The following TTC34 variants were observed in gnomAD, a reference collection of about 807,000 sequenced individuals.
TTC34 encodes the protein tetratricopeptide repeat protein 34.
Under a neutral mutation model 40.7 loss-of-function variants are expected in TTC34, and 44 were observed. The ratio of observed to expected loss-of-function variants is 1.08; its 90% CI spans 0.85 to 1.39. The LOEUF (loss-of-function observed/expected upper bound fraction) is 1.39, where lower values mean the gene tolerates loss of function less well. TTC34 is among the 40% of genes most tolerant of loss of function. TTC34 has a pLI of 0.00. For missense variants in TTC34, 884 were observed against 838.0 expected, an observed-to-expected ratio of 1.05 and a Z score of -0.68; for synonymous variants, 422 against 398.6, an observed-to-expected ratio of 1.06 and a Z score of -0.70.
chr1:2,683,129 C>T (rs1448958575), intron 6 of TTC34, among the ~76,000 whole-genome samples: 1 of 130,722 alleles, frequency 7.6e-6, no homozygotes, highest in Non-Finnish European at 1.7e-5. Flanking sequence ...GAGCATTTGA[C>T]AGCCTGGAAC....
At chr1:2,687,209 C>T (rs558251083) in intron 6 of TTC34, among the ~76,000 whole-genome samples, 909 of 56,200 alleles carry the variant, frequency 0.016, 104 homozygotes, top group African/African-American at 0.08. Context: ...CCACACCTCC[C>T]GGCGAGCATC....
intron 3 of TTC34, 51 bp downstream of exon 3, chr1:2,789,452 A>C: frequency 6.8e-7 from 1 of 1,477,772 alleles, no homozygotes. Context: ...CGCTACCTCG[A>C]AGGAGACCCG....
intron 5 of TTC34, among the ~76,000 whole-genome samples, chr1:2,784,223 T>C (rs188658020): frequency 3.3e-5 from 5 of 152,308 alleles, no homozygotes; most frequent in African/African-American, 1.2e-4. Flanking sequence ...GGCCCTTCCC[T>C]CTTGGGCAGC....
chr1:2,653,007 C>T (rs1397360058), intron 6 of TTC34, among the ~76,000 whole-genome samples: 4 of 152,114 alleles, frequency 2.6e-5, no homozygotes, highest in Admixed American at 1.3e-4. Flanking sequence ...GCACCCACAG[C>T]CCAAGGTGAG....
chr1:2,693,832 G>T (rs1640737530), intron 6 of TTC34, among the ~76,000 whole-genome samples: 5 of 144,426 alleles, frequency 3.5e-5, no homozygotes, highest in African/African-American at 1.0e-4. Flanking sequence ...CACACCCACA[G>T]GTGAGCATCT....
At chr1:2,794,391 T>C (rs1643693581) in intron 2 of TTC34, among the ~76,000 whole-genome samples, 1 of 152,236 alleles carries the variant, frequency 6.6e-6, no homozygotes, top group Admixed American at 6.5e-5. Context: ...TCATTTTCTG[T>C]CCCTGTGGTA....
intron 6 of TTC34, among the ~76,000 whole-genome samples, chr1:2,773,233 T>C (rs1642592145): frequency 8.1e-6 from 1 of 123,868 alleles, no homozygotes; most frequent in African/African-American, 2.9e-5. Flanking sequence ...GGCGAGCATC[T>C]GACAGCCTGG....
At chr1:2,783,756 G>T in exon 6 of TTC34, 2 of 1,521,896 alleles carry the variant, frequency 1.3e-6, no homozygotes, top group East Asian at 2.5e-5. Flanking sequence ...GGGCAAGGAG[G>T]GACTCACTTG....
intron 6 of TTC34, among the ~76,000 whole-genome samples, chr1:2,688,152 G>A: frequency 6.6e-6 from 1 of 150,458 alleles, no homozygotes; most frequent in African/African-American, 2.4e-5. Flanking sequence ...CTGACGGCCT[G>A]GAAGGGCACC....
At chr1:2,751,189 C>A (rs1641307278) in intron 6 of TTC34, among the ~76,000 whole-genome samples, 1 of 116,946 alleles carries the variant, frequency 8.6e-6, no homozygotes, top group Non-Finnish European at 1.7e-5. Context: ...CATCCGACAG[C>A]CTGGAGCAGC....
At chr1:2,751,887 C>T (rs1390524765) in intron 6 of TTC34, among the ~76,000 whole-genome samples, 2 of 109,778 alleles carry the variant, frequency 1.8e-5, no homozygotes, top group Non-Finnish European at 3.6e-5. Context: ...GCAGCACCCA[C>T]ACCCCCAGGT....
chr1:2,696,030 C>A (rs1640849929), intron 6 of TTC34, among the ~76,000 whole-genome samples: 4 of 148,198 alleles, frequency 2.7e-5, no homozygotes, highest in East Asian at 2.0e-4. Context: ...GGAACAGCAC[C>A]CACACGCCCA....
intron 6 of TTC34, among the ~76,000 whole-genome samples, chr1:2,751,448 C>T (rs1469557063): frequency 1.3e-4 from 14 of 108,438 alleles, no homozygotes; most frequent in African/African-American, 3.5e-4. Context: ...AGCCCAGACC[C>T]CCAGGTGAGC....
At chr1:2,643,854 T>A (rs770602237) in intron 8 of TTC34, among the ~76,000 whole-genome samples, 115 of 152,344 alleles carry the variant, frequency 7.5e-4, no homozygotes, top group Non-Finnish European at 2.8e-4. Flanking sequence ...GTTCTGCCTC[T>A]GGGACCCCAA....
intron 6 of TTC34, among the ~76,000 whole-genome samples, chr1:2,750,149 G>C (rs1641267550): frequency 2.7e-5 from 4 of 149,136 alleles, no homozygotes; most frequent in Non-Finnish European, 4.4e-5. Context: ...CGACAGCGTG[G>C]AGCAGAACAA....
chr1:2,647,351 G>A (rs1190576177), intron 6 of TTC34, among the ~76,000 whole-genome samples: 1 of 152,168 alleles, frequency 6.6e-6, no homozygotes. Flanking sequence ...GAGGCCAGGT[G>A]CAGTGGCTCA....
intron 6 of TTC34, among the ~76,000 whole-genome samples, chr1:2,759,687 T>A (rs1402280574): frequency 2.2e-4 from 7 of 31,170 alleles, no homozygotes; most frequent in East Asian, 1.0e-3. Flanking sequence ...AACCCCAGGC[T>A]TGCATCCGAC....
At chr1:2,660,573 C>T (rs1299519829) in intron 6 of TTC34, among the ~76,000 whole-genome samples, 1 of 30,566 alleles carries the variant, frequency 3.3e-5, no homozygotes, top group African/African-American at 8.7e-5. Flanking sequence ...ACCTGACAAC[C>T]TGGAGCAGCA....
chr1:2,686,706 T>A (rs1432021175), intron 6 of TTC34, among the ~76,000 whole-genome samples: 33 of 147,512 alleles, frequency 2.2e-4, no homozygotes, highest in Non-Finnish European at 2.8e-4. Context: ...CGTGACAGCC[T>A]GGAACAGCAC....
Sources: gnomAD v4.1 joint callset for allele counts (sites outside exome capture counted in the v4.1 genomes callset) on GRCh38, gnomAD v4.1.1 for gene constraint, MANE v1.5 for transcripts, NCBI Gene and HGNC (gene_info 2026-07-23, HGNC 2026-07-21) for gene names.